Variants in TANGO6 observed in about 807,000 individuals in gnomAD.
TANGO6 encodes the protein transport and golgi organization 6 homolog, also known as transport and Golgi organization protein 6 homolog.
TANGO6 carries 90 observed loss-of-function variants against 114.2 expected under a neutral mutation model. The observed-to-expected ratio is 0.79, with a 90% CI of 0.66 to 0.94. The LOEUF is 0.94. Ranked by LOEUF, TANGO6 falls within the 40% of genes least tolerant of loss-of-function variation. TANGO6 has a pLI of 0.00. For missense variants in TANGO6, 1,274 were observed against 1,315.3 expected, an observed-to-expected ratio of 0.97 and a Z score of 0.49; for synonymous variants, 477 against 509.8, an observed-to-expected ratio of 0.94 and a Z score of 0.87.
intron 14 of TANGO6, among the ~76,000 whole-genome samples, chr16:68,955,294 T>C (rs1194555010): frequency 1.3e-5 from 2 of 152,224 alleles, no homozygotes; most frequent in African/African-American, 2.4e-5. Flanking sequence ...AGTCAGAGTA[T>C]ACTAATTAGA....
At chr16:68,961,354 G>T (rs893065111) in intron 14 of TANGO6, among the ~76,000 whole-genome samples, 1 of 152,320 alleles carries the variant, frequency 6.6e-6, no homozygotes, top group Admixed American at 6.5e-5. Flanking sequence ...GTCCTGCCCC[G>T]CCACATGGCA....
intron 7 of TANGO6, among the ~76,000 whole-genome samples, chr16:68,885,310 C>T (rs1362153192): frequency 6.6e-6 from 1 of 152,138 alleles, no homozygotes; most frequent in African/African-American, 2.4e-5. Flanking sequence ...ATTCACGTAA[C>T]ATACAGTCCA....
At chr16:68,958,529 G>A (rs1963558021) in intron 14 of TANGO6, among the ~76,000 whole-genome samples, 1 of 150,780 alleles carries the variant, frequency 6.6e-6, no homozygotes, top group Non-Finnish European at 1.5e-5. Context: ...AAGGAAGCAG[G>A]GGAGGGAGAG....
intron 15 of TANGO6, among the ~76,000 whole-genome samples, chr16:69,007,584 A>G (rs1011483668): frequency 3.8e-4 from 58 of 152,190 alleles, no homozygotes; most frequent in African/African-American, 1.3e-3. Flanking sequence ...CACATTTTTA[A>G]TCCATTCATC....
At chr16:69,078,002 G>A (rs1960406179) in intron 17 of TANGO6, among the ~76,000 whole-genome samples, 2 of 152,058 alleles carry the variant, frequency 1.3e-5, no homozygotes, top group African/African-American at 4.8e-5. Context: ...AGTCCTGATA[G>A]GGGCTACAAA....
chr16:69,012,887 T>C (rs1167506743), intron 15 of TANGO6, among the ~76,000 whole-genome samples: 5 of 152,140 alleles, frequency 3.3e-5, no homozygotes, highest in Non-Finnish European at 5.9e-5. Context: ...AATGGGAACA[T>C]CTCATCTGGA....
intron 6 of TANGO6, among the ~76,000 whole-genome samples, chr16:68,879,740 C>T (rs1012525554): frequency 6.7e-6 from 1 of 149,522 alleles, no homozygotes; most frequent in African/African-American, 2.5e-5. Context: ...CCTCAGCCTC[C>T]TGAGTAGCTG....
chr16:68,896,822 C>G (rs183995456), intron 7 of TANGO6, among the ~76,000 whole-genome samples: 61 of 152,142 alleles, frequency 4.0e-4, no homozygotes, highest in Non-Finnish European at 7.4e-4. Context: ...AATCTTTTCA[C>G]TTAAAAAAAA....
intron 11 of TANGO6, among the ~76,000 whole-genome samples, chr16:68,917,752 A>T (rs1963026885): frequency 6.6e-6 from 1 of 151,764 alleles, no homozygotes; most frequent in African/African-American, 2.4e-5. Flanking sequence ...CTCATTTTTA[A>T]TTGGGCTCTT....
chr16:69,055,376 C>A (rs554450357), intron 17 of TANGO6, among the ~76,000 whole-genome samples: 6 of 152,212 alleles, frequency 3.9e-5, no homozygotes, highest in Non-Finnish European at 5.9e-5. Context: ...ATTTCACCTT[C>A]AGTCCCCTGT....
At chr16:68,929,625 TATC>T (rs1358029391) in intron 13 of TANGO6, among the ~76,000 whole-genome samples, 3 of 152,224 alleles carry the variant, frequency 2.0e-5, no homozygotes, top group Non-Finnish European at 4.4e-5. Context: ...AAACCTAACA[TATC>T]ATGTAATATC....
chr16:69,051,183 T>C (rs945349829), intron 17 of TANGO6, among the ~76,000 whole-genome samples: 4 of 152,206 alleles, frequency 2.6e-5, no homozygotes, highest in Non-Finnish European at 5.9e-5. Context: ...TGTTTCTCAC[T>C]TAGTGTTCCT....
At chr16:68,981,623 T>C (rs1332705010) in intron 15 of TANGO6, among the ~76,000 whole-genome samples, 1 of 152,244 alleles carries the variant, frequency 6.6e-6, no homozygotes, top group Non-Finnish European at 1.5e-5. Context: ...GGGATGTTAC[T>C]TGGCAAATTG....
chr16:68,922,479 T>A (rs1193313433), intron 12 of TANGO6, among the ~76,000 whole-genome samples: 3 of 151,838 alleles, frequency 2.0e-5, no homozygotes, highest in Non-Finnish European at 4.4e-5. Context: ...GAGGTTGCGG[T>A]GAGCGGAGAC....
chr16:68,876,316 C>T (rs1028359766), intron 5 of TANGO6, among the ~76,000 whole-genome samples: 5 of 152,030 alleles, frequency 3.3e-5, no homozygotes, highest in Non-Finnish European at 4.4e-5. Flanking sequence ...CATGCGCCAC[C>T]ACACCCGGCT....
At chr16:68,889,451 C>T (rs1378868723) in intron 7 of TANGO6, among the ~76,000 whole-genome samples, 1 of 152,130 alleles carries the variant, frequency 6.6e-6, no homozygotes, top group Admixed American at 6.5e-5. Context: ...TTCCCTTTCA[C>T]TCTCCCTTTC....
At chr16:69,058,934 T>C (rs1392354450) in intron 17 of TANGO6, among the ~76,000 whole-genome samples, 1 of 148,998 alleles carries the variant, frequency 6.7e-6, no homozygotes, top group Non-Finnish European at 1.5e-5. Flanking sequence ...TGAGACATAG[T>C]TTTGCTCTTG....
At chr16:68,950,500 G>A (rs1323914514) in intron 14 of TANGO6, among the ~76,000 whole-genome samples, 1 of 151,918 alleles carries the variant, frequency 6.6e-6, no homozygotes, top group Non-Finnish European at 1.5e-5. Context: ...GGGAGGCGGA[G>A]GTTGCAGTGA....
intron 7 of TANGO6, among the ~76,000 whole-genome samples, chr16:68,896,757 A>G (rs1962711345): frequency 6.6e-6 from 1 of 152,216 alleles, no homozygotes; most frequent in Admixed American, 6.5e-5. Flanking sequence ...ATTCTTTAAG[A>G]TACTGTAGAA....
Sources: gnomAD v4.1 joint callset for allele counts (sites outside exome capture counted in the v4.1 genomes callset) on GRCh38, gnomAD v4.1.1 for gene constraint, MANE v1.5 for transcripts, NCBI Gene and HGNC (gene_info 2026-07-23, HGNC 2026-07-21) for gene names.